The following NFATC1 variants were observed in gnomAD, a reference collection of about 807,000 sequenced individuals.
NFATC1 encodes nuclear factor of activated T-cells, cytoplasmic 1.
In NFATC1, 22 loss-of-function variants were observed where a neutral mutation model predicts 76.0. That is an observed-to-expected ratio of 0.29 (90% CI 0.21 to 0.41). NFATC1 has a LOEUF of 0.41. Among genes scored for constraint, NFATC1 ranks in the 10% least tolerant of loss-of-function variants. The pLI, the probability that NFATC1 is intolerant of heterozygous loss-of-function variation, is 1.00. For synonymous variants in NFATC1, 704 were observed against 613.1 expected (o/e 1.15, Z -2.19); for missense variants, 1,357 against 1,337.7 (o/e 1.01, Z -0.23).
At chr18:79,464,027 T>C (rs1313100293) in intron 7 of NFATC1, among the ~76,000 whole-genome samples, 1 of 152,258 alleles carries the variant, frequency 6.6e-6, no homozygotes, top group Non-Finnish European at 1.5e-5. Flanking sequence ...CAGCTGTATG[T>C]TTTAAAAGAA....
At chr18:79,446,842 C>T (rs1337677706) in intron 3 of NFATC1, among the ~76,000 whole-genome samples, 1 of 152,228 alleles carries the variant, frequency 6.6e-6, no homozygotes, top group African/African-American at 2.4e-5. Flanking sequence ...GCTGTGTCCT[C>T]ATCCCTGTCT....
intron 9 of NFATC1, among the ~76,000 whole-genome samples, chr18:79,511,476 C>T (rs1003015114): frequency 4.6e-5 from 7 of 152,318 alleles, no homozygotes; most frequent in South Asian, 2.1e-4. Context: ...CGGTGGCTTC[C>T]GTTAAGCCAG....
In NFATC1 at chr18:79,474,425, T is replaced by G. The variant is rs1253043768; in HGVS notation, c.2092+6843T>G. Among the ~76,000 whole-genome samples the G allele has an allele frequency of 4.5e-3, 546 of 120,732 alleles. 14 individuals are homozygous for G. Among genetic ancestry groups the G allele is most frequent in the African/African-American group, 0.017 (495 of 28,298 alleles). The allele number at this position is 120,732 out of a possible 152,430, so 79.2% of individuals were successfully genotyped here. A position where few individuals can be genotyped will look rare whatever the true frequency, so the allele number is the denominator to read the frequency against. On this transcript the variant is annotated intron_variant, in intron 8 of 9. Coordinates refer to ENST00000427363, the MANE Select transcript of NFATC1 (RefSeq NM_001278669.2). Reference sequence around the variant, plus strand: ...GGAAGCGTGTTCTCTCACTGTCAACTTTGCAAGGGAAGCGTGTTCTCGCGC... The same window carrying G: ...GGAAGCGTGTTCTCTCACTGTCAACGTTGCAAGGGAAGCGTGTTCTCGCGC...
intron 2 of NFATC1, among the ~76,000 whole-genome samples, chr18:79,415,253 A>C (rs1380398942): frequency 6.6e-6 from 1 of 152,200 alleles, no homozygotes; most frequent in Non-Finnish European, 1.5e-5. Flanking sequence ...CTTTAACAGC[A>C]CAATTCTTGA....
chr18:79,464,633 T>A (rs2088339024), intron 7 of NFATC1, among the ~76,000 whole-genome samples: 1 of 147,934 alleles, frequency 6.8e-6, no homozygotes, highest in Admixed American at 6.7e-5. Flanking sequence ...TACATTATAT[T>A]GTGGATATAT....
At chr18:79,492,665 C>T (rs1433552386) in intron 9 of NFATC1, among the ~76,000 whole-genome samples, 4 of 150,796 alleles carry the variant, frequency 2.7e-5, no homozygotes, top group Non-Finnish European at 5.9e-5. Context: ...GCTGAGATCG[C>T]GCCACTGCAC....
intron 9 of NFATC1, among the ~76,000 whole-genome samples, chr18:79,492,545 TA>T (rs2089710466): frequency 6.6e-6 from 1 of 151,802 alleles, no homozygotes; most frequent in African/African-American, 2.4e-5. Context: ...CCATCTCTAC[TA>T]AAAATACAAA....
At chr18:79,463,068 C>T (rs1007328269) in intron 7 of NFATC1, among the ~76,000 whole-genome samples, 3 of 152,244 alleles carry the variant, frequency 2.0e-5, no homozygotes, top group African/African-American at 4.8e-5. Flanking sequence ...CCTGCGACTT[C>T]AGCGCCCTTC....
intron 2 of NFATC1, among the ~76,000 whole-genome samples, chr18:79,432,872 G>A (rs751560197): frequency 6.6e-6 from 1 of 152,224 alleles, no homozygotes; most frequent in Non-Finnish European, 1.5e-5. Flanking sequence ...AAAGACAGGG[G>A]CCGTGGGGCC....
intron 3 of NFATC1, among the ~76,000 whole-genome samples, chr18:79,447,095 T>C (rs1346456042): frequency 6.6e-6 from 1 of 152,114 alleles, no homozygotes; most frequent in Non-Finnish European, 1.5e-5. Context: ...CACTGTGGCC[T>C]CCTCCCTGGC....
intron 6 of NFATC1, among the ~76,000 whole-genome samples, chr18:79,455,707 C>T (rs1431875416): frequency 1.3e-5 from 2 of 152,126 alleles, no homozygotes; most frequent in Non-Finnish European, 2.9e-5. Context: ...CAGGTTCGCC[C>T]CAAACCCAAC....
intron 8 of NFATC1, among the ~76,000 whole-genome samples, chr18:79,476,300 G>A (rs1383469292): frequency 2.6e-5 from 4 of 152,268 alleles, no homozygotes; most frequent in Non-Finnish European, 5.9e-5. Context: ...GCTCCAGCCG[G>A]AATGGCAAAG....
chr18:79,477,839 C>T (rs1383169794), intron 8 of NFATC1, among the ~76,000 whole-genome samples: 10 of 152,216 alleles, frequency 6.6e-5, no homozygotes, highest in Admixed American at 6.5e-4. Context: ...CTGCCATATC[C>T]TCACATGGCA....
At position 79,486,662 on chromosome 18, in the gene NFATC1, CT is replaced by C. The variant is rs926451964; in HGVS notation, c.2508del (p.Gly837ValfsTer75). On this transcript the variant is annotated frameshift_variant, in exon 9 of 10. Coordinates refer to ENST00000427363, the MANE Select transcript of NFATC1 (RefSeq NM_001278669.2). LOFTEE classifies it high-confidence loss of function. ...GCGCCTCCAAGCAGTAGCTGCCCCC[CT>C]GGTCTCGAACACTCGCTCTGCCCCA... ...VSAPPSSSCP[P>X]GLEHSLCPSS... The C allele has an allele frequency of 3.1e-6, 5 of 1,604,010 alleles. No homozygotes were observed. The highest frequency in any genetic ancestry group is 3.4e-6 in the Non-Finnish European group (4 of 1,177,994).
At chr18:79,508,240 G>A (rs1045164002) in intron 9 of NFATC1, among the ~76,000 whole-genome samples, 2 of 152,152 alleles carry the variant, frequency 1.3e-5, no homozygotes, top group South Asian at 2.1e-4. Flanking sequence ...AGGGACGGAC[G>A]GACGGAGGGC....
intron 9 of NFATC1, among the ~76,000 whole-genome samples, chr18:79,513,325 C>T (rs2581726): frequency 0.51 from 77,280 of 152,044 alleles, 22,578 homozygotes; most frequent in Non-Finnish European, 0.66. Flanking sequence ...GCGGCCAGGG[C>T]GTGAGGCTCC....
intron 9 of NFATC1, among the ~76,000 whole-genome samples, chr18:79,490,294 C>T (rs1251274491): frequency 2.7e-5 from 4 of 148,206 alleles, no homozygotes; most frequent in Non-Finnish European, 4.5e-5. Flanking sequence ...GTGCAGGCCC[C>T]GCTCTGGGTT....
At chr18:79,449,111 T>TA (rs1052855329) in intron 4 of NFATC1, 127 bp downstream of exon 4, 7 of 803,294 alleles carry the variant, frequency 8.7e-6, no homozygotes, top group Non-Finnish European at 9.6e-6. Context: ...ACTTTTGGTT[T>TA]AACAGCCAAT....
rs147984188 is a variant in NFATC1 at position 79,481,613 on chromosome 18, G to T, written c.2093-4635G>T. On this transcript the variant is annotated intron_variant, in intron 8 of 9. Transcript: ENST00000427363. ...TCCTCCTCCCAGGAACCGCCTCGGCGCTGCCAAGGCCTGTGCACCTTCTTC... is the reference window on the plus strand; with the variant it reads ...TCCTCCTCCCAGGAACCGCCTCGGCTCTGCCAAGGCCTGTGCACCTTCTTC... Among the ~76,000 whole-genome samples the T allele has an allele frequency of 2.0e-5, 3 of 152,356 alleles. No individual in the cohort carries two copies. The East Asian group carries it at 5.8e-4, about 29-fold the overall frequency.
Sources: gnomAD v4.1 joint callset for allele counts (sites outside exome capture counted in the v4.1 genomes callset) on GRCh38, gnomAD v4.1.1 for gene constraint, MANE v1.5 for transcripts, NCBI Gene and HGNC (gene_info 2026-07-23, HGNC 2026-07-21) for gene names.